Variants in PSD3 observed in about 807,000 individuals in gnomAD.
PSD3 encodes the protein pleckstrin and Sec7 domain containing 3.
Under a neutral mutation model 105.5 loss-of-function variants are expected in PSD3, and 49 were observed. The ratio of observed to expected loss-of-function variants is 0.46; its 90% confidence interval spans 0.37 to 0.59. PSD3 has a LOEUF of 0.59. PSD3 is among the 20% of genes least tolerant of loss of function. PSD3 has a pLI of 0.00. For missense variants in PSD3, 1,561 were observed against 1,263.8 expected (o/e 1.24, Z -3.57); for synonymous variants, 557 against 457.8 (o/e 1.22, Z -2.77).
At chr8:18,914,797 T>A (rs929374324) in intron 2 of PSD3, among the ~76,000 whole-genome samples, 2 of 152,134 alleles carry the variant, frequency 1.3e-5, no homozygotes, top group Admixed American at 1.3e-4. Flanking sequence ...AATCTACAGA[T>A]CCAATGTAAC....
intron 2 of PSD3, among the ~76,000 whole-genome samples, chr8:18,908,570 C>A (rs1210443836): frequency 6.6e-6 from 1 of 152,196 alleles, no homozygotes; most frequent in Non-Finnish European, 1.5e-5. Context: ...ATATCCCTGA[C>A]TTCCCGTTCT....
intron 8 of PSD3, among the ~76,000 whole-genome samples, chr8:18,795,768 T>C (rs1012162755): frequency 9.9e-5 from 15 of 152,222 alleles, no homozygotes; most frequent in African/African-American, 3.6e-4. Flanking sequence ...CATTTGAAGA[T>C]CCATCCAGAA....
chr8:18,591,862 T>C (rs1447833830), intron 12 of PSD3, among the ~76,000 whole-genome samples: 1 of 152,008 alleles, frequency 6.6e-6, no homozygotes, highest in Non-Finnish European at 1.5e-5. Flanking sequence ...CAGACAGACA[T>C]CAAAGGGTGC....
intron 2 of PSD3, among the ~76,000 whole-genome samples, chr8:18,911,565 C>G (rs527546843): frequency 1.3e-5 from 2 of 152,258 alleles, no homozygotes; most frequent in South Asian, 4.1e-4. Flanking sequence ...GAAGATCTGT[C>G]TGAGGTTCCA....
At chr8:18,910,791 A>AGTTTT (rs1417501769) in intron 2 of PSD3, among the ~76,000 whole-genome samples, 3 of 152,074 alleles carry the variant, frequency 2.0e-5, no homozygotes, top group Non-Finnish European at 4.4e-5. Flanking sequence ...TAGTGGTTTA[A>AGTTTT]GTTTTGTTTT....
At chr8:18,583,230 G>T (rs1409738585) in intron 12 of PSD3, among the ~76,000 whole-genome samples, 1 of 152,118 alleles carries the variant, frequency 6.6e-6, no homozygotes. Context: ...CTTAAGTTGA[G>T]GAATTCAAGA....
Position 18,592,972 on chromosome 8 carries a change from T to G in PSD3, c.2481+7392A>C, listed in dbSNP as rs564947683. Reference sequence around the variant, plus strand: ...CCTTACACCTTATACAAAAATTAATTCAAGATGGATTAAAGACTTACATGT... The same window carrying G: ...CCTTACACCTTATACAAAAATTAATGCAAGATGGATTAAAGACTTACATGT... On this transcript the variant is annotated intron_variant, in intron 12 of 15. Coordinates refer to ENST00000327040, the MANE Select transcript of PSD3 (RefSeq NM_015310.4). 2.0e-5 allele frequency among the ~76,000 whole-genome samples: 3 copies of G among 152,226 alleles called. No individual in the cohort carries two copies. The East Asian group carries it at 5.8e-4, about 29-fold the overall frequency.
intron 1 of PSD3, among the ~76,000 whole-genome samples, chr8:18,983,913 G>C (rs911769894): frequency 1.3e-5 from 2 of 151,380 alleles, no homozygotes; most frequent in African/African-American, 2.4e-5. Flanking sequence ...TGAGACAGGA[G>C]GATCATCTGA....
intron 14 of PSD3, among the ~76,000 whole-genome samples, chr8:18,571,691 G>C (rs1401346406): frequency 6.6e-6 from 1 of 152,148 alleles, no homozygotes; most frequent in East Asian, 1.9e-4. Flanking sequence ...ATTGATAATT[G>C]CTCCCTCTCT....
chr8:18,866,412 G>A lies in PSD3; in HGVS notation c.1634+1262C>T, dbSNP rs55667118. Among the ~76,000 whole-genome samples, 5 of 152,270 alleles carry A rather than the reference G, an allele frequency of 3.3e-5. No homozygotes were observed. The East Asian group carries it at 9.6e-4, about 29-fold the overall frequency. On this transcript the variant is annotated intron_variant, in intron 4 of 15. Coordinates refer to ENST00000327040, the MANE Select transcript of PSD3 (RefSeq NM_015310.4). ...CTCTGCTTTGTACCATGTCCTGTGC[G>A]AGGTGCTTTAGTCTCTATTAACCCT... is the stretch of plus-strand genomic sequence containing the variant.
chr8:18,693,013 G>A (rs1382278769), intron 9 of PSD3, among the ~76,000 whole-genome samples: 2 of 152,076 alleles, frequency 1.3e-5, no homozygotes, highest in Admixed American at 6.6e-5. Context: ...ATTCCTGAAG[G>A]GTTTAGAAAA....
At chr8:18,863,753 G>A (rs754355495) in intron 4 of PSD3, among the ~76,000 whole-genome samples, 2 of 151,644 alleles carry the variant, frequency 1.3e-5, no homozygotes, top group Non-Finnish European at 2.9e-5. Context: ...AAATAGACAC[G>A]CACTCAAAAA....
At chr8:18,696,499 AG>A (rs1416832978) in intron 9 of PSD3, among the ~76,000 whole-genome samples, 2 of 152,298 alleles carry the variant, frequency 1.3e-5, no homozygotes, top group East Asian at 3.9e-4. Context: ...TGTTTTACTA[AG>A]CAGCACGTTG....
chr8:18,935,066 A>G (rs1471933403), intron 2 of PSD3, among the ~76,000 whole-genome samples: 1 of 152,172 alleles, frequency 6.6e-6, no homozygotes, highest in Non-Finnish European at 1.5e-5. Context: ...CCTCATCTGG[A>G]AAATGGGGAT....
rs1459496096 is a variant in PSD3 at position 18,604,739 on chromosome 8, C to T, written c.2411-4305G>A. Among the ~76,000 whole-genome samples, 6 of 152,280 alleles carry T rather than the reference C, an allele frequency of 3.9e-5. No homozygotes were observed. The East Asian group carries it at 7.8e-4, about 20-fold the overall frequency. Reference sequence around the variant, plus strand: ...ATGGGCCAGAGCCAGGGCACTGCTGCCCTGTGAAGCCTCGGGACACTGCTC... The same window carrying T: ...ATGGGCCAGAGCCAGGGCACTGCTGTCCTGTGAAGCCTCGGGACACTGCTC... On this transcript the variant is annotated intron_variant, in intron 11 of 15. Coordinates refer to ENST00000327040, the MANE Select transcript of PSD3 (RefSeq NM_015310.4).
At chr8:18,677,814 T>C (rs1435988297) in intron 9 of PSD3, among the ~76,000 whole-genome samples, 1 of 152,078 alleles carries the variant, frequency 6.6e-6, no homozygotes, top group South Asian at 2.1e-4. Context: ...ATCAAAACCA[T>C]CCTGGCTAAC....
At chr8:18,543,297 G>A (rs1373284315) in intron 15 of PSD3, among the ~76,000 whole-genome samples, 6 of 151,950 alleles carry the variant, frequency 3.9e-5, no homozygotes, top group Admixed American at 2.6e-4. Flanking sequence ...TTATTAAGCT[G>A]ATCTTCGATT....
chr8:19,070,533 C>G (rs1014102806), intron 1 of PSD3, among the ~76,000 whole-genome samples: 5 of 152,062 alleles, frequency 3.3e-5, no homozygotes, highest in African/African-American at 1.2e-4. Context: ...AAAAAATTAG[C>G]CAGGCTTGGT....
intron 2 of PSD3, among the ~76,000 whole-genome samples, chr8:18,929,534 C>T (rs1821600093): frequency 6.6e-6 from 1 of 152,178 alleles, no homozygotes; most frequent in Non-Finnish European, 1.5e-5. Flanking sequence ...TCTAATCCCA[C>T]CTGCACTTGT....
Sources: gnomAD v4.1 joint callset for allele counts (sites outside exome capture counted in the v4.1 genomes callset) on GRCh38, gnomAD v4.1.1 for gene constraint, MANE v1.5 for transcripts, NCBI Gene and HGNC (gene_info 2026-07-23, HGNC 2026-07-21) for gene names.